GPC3: variants seen among roughly 807,000 people sequenced by gnomAD.
The protein encoded by GPC3 is glypican 3, also known as glypican-3.
GPC3 carries 3 observed loss-of-function variants against 34.4 expected under a neutral mutation model. The observed-to-expected ratio is 0.09, with a 90% confidence interval of 0.04 to 0.23. The LOEUF (loss-of-function observed/expected upper bound fraction) is 0.23. GPC3 is among the 10% of genes least tolerant of loss of function. The probability of loss-of-function intolerance (pLI) is 1.00; values close to 1 mark genes in which losing one functional copy is unlikely to be tolerated. For synonymous variants in GPC3, 177 were observed against 174.0 expected, an observed-to-expected ratio of 1.02 and a Z score of -0.13; for missense variants, 351 against 445.6, an observed-to-expected ratio of 0.79 and a Z score of 1.91.
Position 133,550,187 on chromosome X carries a change from G to A in GPC3, c.1574-13894C>T, listed in dbSNP as rs1438907897. On this transcript the variant is annotated intron_variant, in intron 7 of 7. Transcript: ENST00000370818. ...TGCACCACCATGCCAGGCTAATTTT[G>A]TATTTTGAGTAGAGATGGGGTTTCA... Among the ~76,000 whole-genome samples, 8 of 109,528 alleles carry A rather than the reference G, an allele frequency of 7.3e-5. No individual in the cohort carries two copies. The Admixed American group carries it at 7.8e-4, about 11-fold the overall frequency.
At chrX:133,898,403 T>G (rs2076128803) in intron 2 of GPC3, among the ~76,000 whole-genome samples, 1 of 112,393 alleles carries the variant, frequency 8.9e-6, no homozygotes, top group Admixed American at 9.5e-5. Context: ...TCCCTCTGTC[T>G]TCCTTCAGAT....
At chrX:133,644,532 TC>T (rs2070521349) in intron 6 of GPC3, among the ~76,000 whole-genome samples, 1 of 111,836 alleles carries the variant, frequency 8.9e-6, no homozygotes, top group Admixed American at 9.5e-5. Context: ...TATTGTTTTT[TC>T]TGATTTAAAA....
At chrX:133,703,979 C>G (rs1030077123) in intron 3 of GPC3, among the ~76,000 whole-genome samples, 3 of 112,095 alleles carry the variant, frequency 2.7e-5, no homozygotes, top group African/African-American at 9.7e-5. Flanking sequence ...AGAAAAATCA[C>G]CAAAAAATAT....
chrX:133,831,597 A>T (rs1487977023), intron 2 of GPC3, among the ~76,000 whole-genome samples: 1 of 111,637 alleles, frequency 9.0e-6, no homozygotes. Flanking sequence ...GGGTATGTTG[A>T]TGCATGTCTC....
At chrX:133,916,076 C>T (rs778218873) in intron 2 of GPC3, among the ~76,000 whole-genome samples, 9 of 98,204 alleles carry the variant, frequency 9.2e-5, no homozygotes, top group Non-Finnish European at 1.4e-4. Flanking sequence ...ACCTGGGAGG[C>T]GAAGGTTGCA....
chrX:133,792,389 T>C (rs2072174373), intron 2 of GPC3, among the ~76,000 whole-genome samples: 1 of 111,457 alleles, frequency 9.0e-6, no homozygotes, highest in African/African-American at 3.3e-5. Context: ...GCTCAATAAA[T>C]GGGTATAGAA....
chrX:133,646,845 G>C (rs756494314), intron 6 of GPC3, among the ~76,000 whole-genome samples: 1 of 111,766 alleles, frequency 8.9e-6, no homozygotes, highest in Non-Finnish European at 1.9e-5. Flanking sequence ...GTGAAGGTCA[G>C]AAAAGGGCGA....
intron 2 of GPC3, among the ~76,000 whole-genome samples, chrX:133,831,499 G>A (rs35031335): frequency 8.9e-6 from 1 of 112,112 alleles, no homozygotes; most frequent in African/African-American, 3.2e-5. Flanking sequence ...GGGAGGCCAA[G>A]GCAGGCGGAT....
chrX:133,578,641 T>C (rs773656616), intron 7 of GPC3, among the ~76,000 whole-genome samples: 1 of 112,333 alleles, frequency 8.9e-6, no homozygotes, highest in South Asian at 3.7e-4. Flanking sequence ...ATTGTGCCAC[T>C]GCACTCCAGC....
chrX:133,585,572 G>T (rs967645722), intron 7 of GPC3, among the ~76,000 whole-genome samples: 1 of 111,441 alleles, frequency 9.0e-6, no homozygotes, highest in Non-Finnish European at 1.9e-5. Flanking sequence ...ATTTCTTCTT[G>T]CAGGGGAGCA....
intron 3 of GPC3, among the ~76,000 whole-genome samples, chrX:133,737,819 T>C (rs2071524894): frequency 8.9e-6 from 1 of 112,306 alleles, no homozygotes; most frequent in African/African-American, 3.2e-5. Flanking sequence ...TATATCATAG[T>C]TGAGACATAA....
chrX:133,703,523 C>G (rs1395173465), intron 3 of GPC3, among the ~76,000 whole-genome samples: 2 of 106,226 alleles, frequency 1.9e-5, no homozygotes, highest in South Asian at 8.9e-4. Flanking sequence ...TGCAGTGGTG[C>G]AATCTCGGCT....
At chrX:133,840,045 G>A (rs1041492620) in intron 2 of GPC3, among the ~76,000 whole-genome samples, 1 of 110,547 alleles carries the variant, frequency 9.0e-6, no homozygotes, top group African/African-American at 3.3e-5. Flanking sequence ...GGAAAAAAAG[G>A]AACTAGGTAT....
intron 6 of GPC3, among the ~76,000 whole-genome samples, chrX:133,650,153 T>C (rs1377829623): frequency 9.0e-6 from 1 of 111,571 alleles, no homozygotes; most frequent in Non-Finnish European, 1.9e-5. Flanking sequence ...AATAAGGATA[T>C]CATGTCAACC....
intron 3 of GPC3, among the ~76,000 whole-genome samples, chrX:133,750,797 G>A (rs2071659057): frequency 9.0e-6 from 1 of 111,070 alleles, no homozygotes; most frequent in Non-Finnish European, 1.9e-5. Flanking sequence ...CACATGGCCA[G>A]GCGTGGTGGC....
At chrX:133,975,999 T>C (rs2076513083) in intron 1 of GPC3, among the ~76,000 whole-genome samples, 1 of 111,506 alleles carries the variant, frequency 9.0e-6, no homozygotes, top group African/African-American at 3.3e-5. Flanking sequence ...AAATTAGCAT[T>C]ATTGGTGACT....
chrX:133,748,610 A>G (rs1256620606), intron 3 of GPC3, among the ~76,000 whole-genome samples: 2 of 109,331 alleles, frequency 1.8e-5, no homozygotes, highest in Non-Finnish European at 1.9e-5. Flanking sequence ...TCTCACACAT[A>G]CTATTTTTAT....
At chrX:133,848,704 G>A (rs963838912) in intron 2 of GPC3, among the ~76,000 whole-genome samples, 4 of 111,561 alleles carry the variant, frequency 3.6e-5, no homozygotes, top group Non-Finnish European at 7.5e-5. Flanking sequence ...AGTCACATAA[G>A]CACAGTACCA....
At chrX:133,902,070 T>G in intron 2 of GPC3, among the ~76,000 whole-genome samples, 1 of 112,194 alleles carries the variant, frequency 8.9e-6, no homozygotes, top group Non-Finnish European at 1.9e-5. Context: ...TTTCCATTTC[T>G]AAAAATCATG....
Sources: allele counts gnomAD v4.1 joint callset (sites outside exome capture counted in the v4.1 genomes callset), GRCh38; gene constraint gnomAD v4.1.1; transcripts MANE v1.5; gene names NCBI Gene and HGNC (gene_info 2026-07-23, HGNC 2026-07-21).